The following SAMD3 variants were observed in gnomAD, a reference collection of about 807,000 sequenced individuals.
The protein encoded by SAMD3 is sterile alpha motif domain containing 3.
Under a neutral mutation model 58.5 loss-of-function variants are expected in SAMD3, and 63 were observed. The observed-to-expected ratio is 1.08, with a 90% CI of 0.88 to 1.33. The LOEUF (loss-of-function observed/expected upper bound fraction) is 1.33. SAMD3 is among the 40% of genes most tolerant of loss of function. The probability of loss-of-function intolerance (pLI) is 0.00; values close to 1 mark genes in which losing one functional copy is unlikely to be tolerated. For missense variants in SAMD3, 604 were observed against 608.4 expected, an observed-to-expected ratio of 0.99 and a Z score of 0.08; for synonymous variants, 220 against 210.3, an observed-to-expected ratio of 1.05 and a Z score of -0.40.
At chr6:130,344,847 A>AT (rs1229895275) in intron 1 of SAMD3, among the ~76,000 whole-genome samples, 2 of 150,974 alleles carry the variant, frequency 1.3e-5, no homozygotes, top group African/African-American at 2.4e-5. Flanking sequence ...AAAAAAAAAA[A>AT]AAAAAAGAGA....
intron 2 of SAMD3, among the ~76,000 whole-genome samples, chr6:130,300,630 A>T (rs1332428756): frequency 6.6e-6 from 1 of 152,140 alleles, no homozygotes; most frequent in Non-Finnish European, 1.5e-5. Context: ...CTAGCTACAG[A>T]ATTCAGAAAA....
intron 9 of SAMD3, among the ~76,000 whole-genome samples, chr6:130,154,244 T>C (rs1789520971): frequency 6.6e-6 from 1 of 151,666 alleles, no homozygotes; most frequent in Non-Finnish European, 1.5e-5. Flanking sequence ...TCTTTTTTTT[T>C]TTTTTTAATT....
chr6:130,294,822 G>A (rs901165479), intron 2 of SAMD3, among the ~76,000 whole-genome samples: 1 of 147,004 alleles, frequency 6.8e-6, no homozygotes, highest in African/African-American at 2.5e-5. Context: ...TTGATTATTT[G>A]CAGGCAATTT....
In SAMD3 at chr6:130,214,546, T is replaced by A. The variant is rs377102524; in HGVS notation, c.80-20A>T. 9.2e-5 allele frequency: 144 copies of A among 1,558,536 alleles called. No individual in the cohort carries two copies. Among genetic ancestry groups the A allele is most frequent in the Admixed American group, 3.3e-4 (17 of 51,166 alleles). Reference sequence around the variant, plus strand: ...CTTCCTCTGGGAAAAAGAAAAAAAATTAGTTTCTACATGACTTTCCGGCAA... The same window carrying A: ...CTTCCTCTGGGAAAAAGAAAAAAAAATAGTTTCTACATGACTTTCCGGCAA... On this transcript the variant is annotated intron_variant, in intron 3 of 11. Transcript: ENST00000439090.
intron 2 of SAMD3, among the ~76,000 whole-genome samples, chr6:130,287,325 A>G (rs1228717038): frequency 2.0e-5 from 3 of 152,140 alleles, no homozygotes; most frequent in Admixed American, 1.3e-4. Flanking sequence ...AGTAATTTTC[A>G]TGTATCTTGA....
At chr6:130,147,618 G>A (rs1322575565) in intron 9 of SAMD3, among the ~76,000 whole-genome samples, 3 of 152,102 alleles carry the variant, frequency 2.0e-5, no homozygotes, top group African/African-American at 7.2e-5. Flanking sequence ...TAGATACAAT[G>A]CCCCACTATT....
chr6:130,351,369 C>A (rs889209525), intron 1 of SAMD3, among the ~76,000 whole-genome samples: 1 of 152,054 alleles, frequency 6.6e-6, no homozygotes, highest in Non-Finnish European at 1.5e-5. Flanking sequence ...TGAACTCCAA[C>A]AAATTTACAA....
At chr6:130,315,756 AT>A (rs1490521931) in intron 1 of SAMD3, among the ~76,000 whole-genome samples, 1 of 151,994 alleles carries the variant, frequency 6.6e-6, no homozygotes, top group Non-Finnish European at 1.5e-5. Flanking sequence ...ATATAAAATG[AT>A]TTTTTAAATA....
At chr6:130,145,449 G>C in intron 10 of SAMD3, 27 bp from the exon 11 acceptor site, 1 of 1,518,508 alleles carries the variant, frequency 6.6e-7, no homozygotes. Flanking sequence ...GTTAACATGT[G>C]AAGTAAAAAT....
intron 7 of SAMD3, among the ~76,000 whole-genome samples, chr6:130,178,862 C>T (rs1205712526): frequency 1.3e-5 from 2 of 152,194 alleles, no homozygotes; most frequent in Non-Finnish European, 2.9e-5. Flanking sequence ...AGTATGGCTT[C>T]AGCACTGATT....
chr6:130,355,144 C>T (rs570146032), intron 1 of SAMD3, among the ~76,000 whole-genome samples: 1 of 152,308 alleles, frequency 6.6e-6, no homozygotes, highest in Admixed American at 6.5e-5. Flanking sequence ...ATGCAACTGC[C>T]CAGGCACGGT....
intron 7 of SAMD3, among the ~76,000 whole-genome samples, chr6:130,179,738 T>C (rs994209537): frequency 1.3e-5 from 2 of 152,088 alleles, no homozygotes; most frequent in Non-Finnish European, 2.9e-5. Context: ...TTGTATATGA[T>C]ATTATGCACT....
intron 2 of SAMD3, among the ~76,000 whole-genome samples, chr6:130,266,639 C>T (rs576388982): frequency 1.3e-5 from 2 of 152,128 alleles, no homozygotes; most frequent in Admixed American, 6.6e-5. Flanking sequence ...AGAGTCCCAC[C>T]GGGACTGGAC....
chr6:130,159,079 TGTCC>T (rs1351333801), intron 8 of SAMD3, among the ~76,000 whole-genome samples: 2 of 152,334 alleles, frequency 1.3e-5, no homozygotes, highest in East Asian at 3.9e-4. Flanking sequence ...TTTGGCTCTG[TGTCC>T]CCACCCAAAT....
chr6:130,267,175 A>G (rs1430832317), intron 2 of SAMD3, among the ~76,000 whole-genome samples: 1 of 152,232 alleles, frequency 6.6e-6, no homozygotes, highest in Non-Finnish European at 1.5e-5. Context: ...AGTTAAAGAT[A>G]TAACAAAACT....
chr6:130,215,539 C>G, intron 2 of SAMD3: 1 of 1,332,338 alleles, frequency 7.5e-7, no homozygotes, highest in Non-Finnish European at 9.6e-7. Context: ...TTCACCTTCT[C>G]CTACTTTTTT....
At chr6:130,254,149 C>A (rs760969763) in intron 2 of SAMD3, among the ~76,000 whole-genome samples, 1 of 149,710 alleles carries the variant, frequency 6.7e-6, no homozygotes, top group Non-Finnish European at 1.5e-5. Context: ...TGTGCCACTA[C>A]GCTCAGCTAA....
chr6:130,275,129 C>T (rs1474204175), intron 2 of SAMD3, among the ~76,000 whole-genome samples: 1 of 152,022 alleles, frequency 6.6e-6, no homozygotes, highest in African/African-American at 2.4e-5. Context: ...CTCATAAATG[C>T]CTTAATTCTG....
intron 1 of SAMD3, among the ~76,000 whole-genome samples, chr6:130,347,403 C>A (rs1475825687): frequency 2.0e-5 from 3 of 152,162 alleles, no homozygotes; most frequent in Non-Finnish European, 4.4e-5. Flanking sequence ...GAGCTGAAAA[C>A]AATGGCACGA....
Sources: allele counts gnomAD v4.1 joint callset (sites outside exome capture counted in the v4.1 genomes callset), GRCh38; gene constraint gnomAD v4.1.1; transcripts MANE v1.5; gene names NCBI Gene and HGNC (gene_info 2026-07-23, HGNC 2026-07-21).